MMP10: variants seen among roughly 807,000 people sequenced by gnomAD.
MMP10 encodes the protein matrix metallopeptidase 10.
MMP10 carries 50 observed loss-of-function variants against 49.1 expected under a neutral mutation model. The ratio of observed to expected loss-of-function variants is 1.02; its 90% CI spans 0.81 to 1.29. The LOEUF (loss-of-function observed/expected upper bound fraction) is 1.29, where lower values mean the gene tolerates loss of function less well. Among genes scored for constraint, MMP10 ranks in the 50% most tolerant of loss-of-function variants. The pLI, the probability that MMP10 is intolerant of heterozygous loss-of-function variation, is 0.00. For missense variants in MMP10, 613 were observed against 563.8 expected (o/e 1.09, Z -0.88); for synonymous variants, 229 against 201.6 (o/e 1.14, Z -1.15).
In MMP10 at chr11:102,779,689, C is replaced by T; in HGVS notation, c.162G>A (p.Lys54=). 6.2e-7 allele frequency: 1 copy of T among 1,613,964 alleles called. No individual in the cohort carries two copies. The highest frequency in any genetic ancestry group is 1.1e-5 in the South Asian group (1 of 91,084). The change falls in exon 2 of 10, where the codon AAG becomes AAA. Residue 54 remains lysine, a synonymous_variant. Transcript: ENST00000279441. The part of the protein sequence containing the change: ...LEKDVKQFRR[K]DSNLIVKKIQ... ...TTTTTTTAACAATGAGATTACTGTC[C>T]TTTCTTCTAAACTGTTTCACATCCT...
rs1189998081 is a variant in MMP10 at position 102,779,601 on chromosome 11, C to T, written c.250G>A (p.Glu84Lys). The change falls in exon 2 of 10, where the codon GAG (glutamate) becomes AAG (lysine). Residue 84 changes from glutamate to lysine, a missense_variant. By Grantham distance (56) the Glu-to-Lys change is moderately conservative. Transcript: ENST00000279441. ...VTGKLDTDTL[E>K]VMRKPRCGVP... ...CCACACCTGGGCTTGCGCATCACCT[C>T]CAGAGTGTCAGTGTCTAGCTTCCCT... The T allele has an allele frequency of 6.2e-7, 1 of 1,613,952 alleles. No homozygotes were observed. Among genetic ancestry groups the T allele is most frequent in the Non-Finnish European group, 8.5e-7 (1 of 1,180,016 alleles).
chr11:102,776,811 G>T, intron 4 of MMP10, 35 bp from the exon 5 acceptor site: 1 of 1,612,608 alleles, frequency 6.2e-7, no homozygotes, highest in Non-Finnish European at 8.5e-7. Flanking sequence ...GAATTCACCA[G>T]CTCTTTCTTC....
At chr11:102,780,373 G>A in intron 1 of MMP10, 114 bp downstream of exon 1, 1 of 785,790 alleles carries the variant, frequency 1.3e-6, no homozygotes, top group Non-Finnish European at 2.1e-6. Context: ...ATTCTCTGAT[G>A]CTACAGTTTT....
At chr11:102,776,251 G>C in intron 6 of MMP10, 29 bp downstream of exon 6, 1 of 1,591,336 alleles carries the variant, frequency 6.3e-7, no homozygotes. Context: ...CAAAAGAATA[G>C]ATAGGAAAAT....
intron 7 of MMP10, 116 bp downstream of exon 7, chr11:102,775,072 G>T: frequency 1.4e-6 from 1 of 736,450 alleles, no homozygotes; most frequent in Non-Finnish European, 1.9e-6. Flanking sequence ...TTATTTAAGT[G>T]TTAGCACAAG....
chr11:102,771,967 A>G (rs760320541), intron 9 of MMP10, 45 bp downstream of exon 9: 18 of 1,127,506 alleles, frequency 1.6e-5, no homozygotes, highest in Middle Eastern at 2.0e-4. Context: ...AATCATAAAA[A>G]TGCCTGGAGA....
In MMP10 at chr11:102,779,519, G is replaced by T. The variant is rs1244780100; in HGVS notation, c.332C>A (p.Thr111Asn). ...SFPGMPKWRK[T>N]HLTYRIVNYT... ...GAACCATTACCTGTATGTAAGGTGG[G>T]TTTTCCTCCACTTCGGCATGCCAGG... is the stretch of plus-strand genomic sequence containing the variant. Residue 111 changes from threonine (T) to asparagine (N), a missense_variant, in exon 2 of 10, where the codon ACC becomes AAC. Physicochemically the swap from Thr to Asn is moderately conservative, Grantham distance 65. Transcript: ENST00000279441. 1 of 1,614,046 alleles carries T rather than the reference G, an allele frequency of 6.2e-7. No homozygotes were observed. The highest frequency in any genetic ancestry group is 2.2e-5 in the East Asian group (1 of 44,884).
chr11:102,779,848 G>A (rs1857801378), intron 1 of MMP10, 103 bp from the exon 2 acceptor site: 1 of 1,303,902 alleles, frequency 7.7e-7, no homozygotes, highest in Non-Finnish European at 1.0e-6. Context: ...AAACAAAAGA[G>A]GCTATCACAT....
At chr11:102,777,701 A>T (rs1306522018) in intron 4 of MMP10, among the ~76,000 whole-genome samples, 1 of 152,216 alleles carries the variant, frequency 6.6e-6, no homozygotes, top group Non-Finnish European at 1.5e-5. Flanking sequence ...TAAAAATATT[A>T]TAAAAAGGGT....
intron 4 of MMP10, among the ~76,000 whole-genome samples, chr11:102,777,415 C>T (rs370889859): frequency 6.6e-6 from 1 of 151,806 alleles, no homozygotes; most frequent in East Asian, 2.0e-4. Context: ...GCTACCATGC[C>T]CGGCTAATTT....
At chr11:102,774,941 T>C (rs1427308660) in intron 7 of MMP10, among the ~76,000 whole-genome samples, 1 of 152,232 alleles carries the variant, frequency 6.6e-6, no homozygotes, top group Non-Finnish European at 1.5e-5. Flanking sequence ...GAAATGAAAA[T>C]GTCTTGTATC....
At chr11:102,776,989 C>T (rs1447120748) in intron 4 of MMP10, among the ~76,000 whole-genome samples, 1 of 152,154 alleles carries the variant, frequency 6.6e-6, no homozygotes, top group Non-Finnish European at 1.5e-5. Flanking sequence ...CAGTTTTTCA[C>T]CGTATCCCTC....
intron 4 of MMP10, among the ~76,000 whole-genome samples, chr11:102,778,329 G>T (rs1857774543): frequency 6.6e-6 from 1 of 152,134 alleles, no homozygotes; most frequent in South Asian, 2.1e-4. Flanking sequence ...TTAAAGTGAT[G>T]AAAAACATTA....
At chr11:102,771,149 A>T (rs977638733) in intron 9 of MMP10, among the ~76,000 whole-genome samples, 3 of 152,238 alleles carry the variant, frequency 2.0e-5, no homozygotes, top group African/African-American at 7.2e-5. Flanking sequence ...GTAAGGAAGG[A>T]AGGAGGGAGG....
rs191453419 is a variant in MMP10 at position 102,778,827 on chromosome 11, T to G, written c.497-78A>C. Reference sequence around the variant, plus strand: ...CTGTTCCAATTAAACAACAGTAGATTCTATAGTCTGAATGTTGGTGTCTGC... The same window carrying G: ...CTGTTCCAATTAAACAACAGTAGATGCTATAGTCTGAATGTTGGTGTCTGC... On this transcript the variant is annotated intron_variant, in intron 3 of 9. Transcript: ENST00000279441. 1.2e-4 allele frequency: 181 copies of G among 1,530,782 alleles called. No homozygotes were observed. In the East Asian group the frequency reaches 3.2e-3, roughly 27 times the overall value. 94.8% of individuals were successfully genotyped at this position (1,530,782 alleles called of 1,614,324 possible).
In MMP10 at chr11:102,775,303, G is replaced by A. The variant is rs758064955; in HGVS notation, c.951C>T (p.Ser317=). 1 of 1,607,270 alleles carries A rather than the reference G, an allele frequency of 6.2e-7. No homozygotes were observed. The highest frequency in any genetic ancestry group is 1.7e-5 in the Admixed American group (1 of 59,374). The change falls in exon 7 of 10, where the codon TCC becomes TCT. Residue 317 remains serine, a synonymous_variant. Transcript: ENST00000279441. ...FFKDRYFWRR[S]HWNPEPEFHL... ...GAAATTCAGGTTCAGGGTTCCAGTGGGATCTTCGCCAAAAATATCTGTAAT... is the reference window on the plus strand; with the variant it reads ...GAAATTCAGGTTCAGGGTTCCAGTGAGATCTTCGCCAAAAATATCTGTAAT...
chr11:102,770,514 C>A lies in MMP10; in HGVS notation c.*279G>T. The A allele has an allele frequency of 6.6e-6, 2 of 302,214 alleles. No homozygotes were observed. Among genetic ancestry groups the A allele is most frequent in the South Asian group, 1.6e-4 (2 of 12,212 alleles). 18.7% of individuals were successfully genotyped at this position (302,214 alleles called of 1,614,324 possible). A position where few individuals can be genotyped will look rare whatever the true frequency, so the allele number is the denominator to read the frequency against. On this transcript the variant is annotated 3_prime_UTR_variant, in exon 10 of 10. Coordinates refer to ENST00000279441, the MANE Select transcript of MMP10 (RefSeq NM_002425.3). ...TTGTTCTAGAAAGTAAGGAACAGGCCCAAAATAAAACTTTTTATTGAGGAA... is the reference window on the plus strand; with the variant it reads ...TTGTTCTAGAAAGTAAGGAACAGGCACAAAATAAAACTTTTTATTGAGGAA...
chr11:102,770,964 TTA>T, intron 9 of MMP10, 71 bp from the exon 10 acceptor site: 1 of 1,026,886 alleles, frequency 9.7e-7, no homozygotes, highest in Non-Finnish European at 1.5e-6. Flanking sequence ...ATAACTTAGA[TTA>T]AGTACAAGTT....
At chr11:102,775,037 G>A in intron 7 of MMP10, 151 bp downstream of exon 7, 1 of 541,172 alleles carries the variant, frequency 1.8e-6, no homozygotes, top group Non-Finnish European at 2.9e-6. Context: ...CTAAAATAAA[G>A]TTTATAATGT....
Sources: allele counts gnomAD v4.1 joint callset (sites outside exome capture counted in the v4.1 genomes callset), GRCh38; gene constraint gnomAD v4.1.1; transcripts MANE v1.5; gene names NCBI Gene and HGNC (gene_info 2026-07-23, HGNC 2026-07-21).